CDH12: variants seen among roughly 807,000 people sequenced by gnomAD.
CDH12 encodes cadherin-12.
In CDH12, 41 loss-of-function variants were observed where a neutral mutation model predicts 74.1. That is an observed-to-expected ratio of 0.55 (90% CI 0.43 to 0.72). CDH12 has a LOEUF of 0.72. Among genes scored for constraint, CDH12 ranks in the 30% least tolerant of loss-of-function variants. CDH12 has a pLI of 0.00. For missense variants in CDH12, 945 were observed against 977.2 expected (o/e 0.97, Z 0.44); for synonymous variants, 399 against 355.0 (o/e 1.12, Z -1.39).
intron 14 of CDH12, among the ~76,000 whole-genome samples, chr5:21,754,643 G>A (rs546117661): frequency 9.9e-5 from 15 of 152,068 alleles, no homozygotes; most frequent in South Asian, 4.1e-4. Context: ...GCGTTACTCC[G>A]TGCCTTTCAT....
At chr5:22,073,117 G>A (rs1276548954) in intron 5 of CDH12, among the ~76,000 whole-genome samples, 3 of 152,084 alleles carry the variant, frequency 2.0e-5, no homozygotes, top group Non-Finnish European at 4.4e-5. Context: ...TTGTAATCTA[G>A]AGACCTTCAT....
intron 11 of CDH12, among the ~76,000 whole-genome samples, chr5:21,766,296 T>A (rs778101258): frequency 6.6e-6 from 1 of 152,034 alleles, no homozygotes; most frequent in Non-Finnish European, 1.5e-5. Context: ...TACCAATACC[T>A]ACACAGATAA....
chr5:22,493,714 C>A (rs1354368012), intron 2 of CDH12, among the ~76,000 whole-genome samples: 1 of 151,726 alleles, frequency 6.6e-6, no homozygotes, highest in Non-Finnish European at 1.5e-5. Flanking sequence ...TTATGGATAC[C>A]GTGAGATGGG....
chr5:22,219,444 T>G (rs1751935739), intron 3 of CDH12, among the ~76,000 whole-genome samples: 3 of 151,756 alleles, frequency 2.0e-5, no homozygotes, highest in African/African-American at 7.2e-5. Flanking sequence ...TTTCCTCTCA[T>G]GTCAACTTGC....
chr5:22,112,159 GA>G (rs1449590788), intron 4 of CDH12, among the ~76,000 whole-genome samples: 1 of 151,036 alleles, frequency 6.6e-6, no homozygotes, highest in Admixed American at 6.6e-5. Flanking sequence ...TTTTGTAATT[GA>G]AAAAAAACAC....
chr5:22,200,961 C>T (rs958981000), intron 4 of CDH12, among the ~76,000 whole-genome samples: 20 of 152,102 alleles, frequency 1.3e-4, no homozygotes, highest in Non-Finnish European at 2.4e-4. Context: ...GCTATGGAAA[C>T]TGATAGAAGA....
intron 10 of CDH12, among the ~76,000 whole-genome samples, chr5:21,784,301 C>G (rs558598705): frequency 9.7e-4 from 147 of 152,136 alleles, no homozygotes; most frequent in African/African-American, 3.3e-3. Context: ...CATGTGTTTT[C>G]AATCATAACA....
chr5:22,543,172 C>G (rs990714682), intron 1 of CDH12, among the ~76,000 whole-genome samples: 9 of 151,990 alleles, frequency 5.9e-5, no homozygotes, highest in Non-Finnish European at 1.2e-4. Flanking sequence ...AATGCCTACC[C>G]CATTTACAAT....
chr5:21,765,065 CA>C lies in CDH12; in HGVS notation c.1427del (p.Leu476ArgfsTer5). 1.2e-6 allele frequency: 2 copies of C among 1,606,406 alleles called. No homozygotes were observed. Among genetic ancestry groups the C allele is most frequent in the Non-Finnish European group, 1.7e-6 (2 of 1,175,258 alleles). On this transcript the variant is annotated frameshift_variant, in exon 12 of 15. Coordinates refer to ENST00000382254, the MANE Select transcript of CDH12 (RefSeq NM_004061.5). LOFTEE classifies it high-confidence loss of function. ...NPLLTSKVNI[L>X]INVLDVNEFP... is the part of the protein sequence containing the mutation. ...ATTCATTTACATCTAAGACATTAAT[CA>C]GTATATTGACTTTGCTGGTCAATAA...
intron 6 of CDH12, among the ~76,000 whole-genome samples, chr5:21,955,605 T>G (rs1172929971): frequency 6.6e-6 from 1 of 152,030 alleles, no homozygotes; most frequent in African/African-American, 2.4e-5. Flanking sequence ...CTACAAATAT[T>G]AATATTTATT....
At chr5:21,911,899 G>C (rs1561293282) in intron 6 of CDH12, among the ~76,000 whole-genome samples, 1 of 151,912 alleles carries the variant, frequency 6.6e-6, no homozygotes, top group African/African-American at 2.4e-5. Context: ...GATTGTATTA[G>C]ATTTGTTTGG....
chr5:21,773,901 TTAA>T (rs1261196920), intron 11 of CDH12, among the ~76,000 whole-genome samples: 1 of 152,208 alleles, frequency 6.6e-6, no homozygotes, highest in African/African-American at 2.4e-5. Flanking sequence ...AGCATTTAGG[TTAA>T]TGATTAGTGT....
chr5:22,102,029 G>A (rs936961635), intron 4 of CDH12, among the ~76,000 whole-genome samples: 1 of 152,138 alleles, frequency 6.6e-6, no homozygotes, highest in Non-Finnish European at 1.5e-5. Context: ...GCCATAGATT[G>A]CTGACCTCTA....
At chr5:21,817,814 A>T (rs1485612121) in intron 8 of CDH12, among the ~76,000 whole-genome samples, 1 of 91,882 alleles carries the variant, frequency 1.1e-5, no homozygotes, top group East Asian at 2.4e-4. Flanking sequence ...TTTTAATAGC[A>T]TTAAGAAAGA....
intron 1 of CDH12, among the ~76,000 whole-genome samples, chr5:22,621,250 T>A (rs1358439341): frequency 6.6e-6 from 1 of 152,148 alleles, no homozygotes; most frequent in African/African-American, 2.4e-5. Flanking sequence ...TTCTGAAAGA[T>A]CTTTCCAGCA....
intron 4 of CDH12, among the ~76,000 whole-genome samples, chr5:22,184,840 C>G (rs1487207345): frequency 3.3e-5 from 5 of 152,156 alleles, no homozygotes; most frequent in Admixed American, 3.3e-4. Flanking sequence ...TAGTATACAG[C>G]ACTAAAGTCA....
chr5:22,367,828 T>C (rs1741096973), intron 3 of CDH12, among the ~76,000 whole-genome samples: 1 of 152,198 alleles, frequency 6.6e-6, no homozygotes, highest in Non-Finnish European at 1.5e-5. Flanking sequence ...AATTTTGTCA[T>C]CTCCATCTGC....
intron 6 of CDH12, among the ~76,000 whole-genome samples, chr5:21,863,567 T>C (rs1484288816): frequency 6.6e-6 from 1 of 152,124 alleles, no homozygotes; most frequent in Non-Finnish European, 1.5e-5. Context: ...ACATAGACTT[T>C]TACACAGAAA....
intron 5 of CDH12, among the ~76,000 whole-genome samples, chr5:21,995,019 T>C (rs1396726946): frequency 2.0e-5 from 3 of 152,110 alleles, no homozygotes; most frequent in Admixed American, 2.0e-4. Context: ...ACTACCTTTA[T>C]GAGCTGTAAC....
Sources: gnomAD v4.1 joint callset for allele counts (sites outside exome capture counted in the v4.1 genomes callset) on GRCh38, gnomAD v4.1.1 for gene constraint, MANE v1.5 for transcripts, NCBI Gene and HGNC (gene_info 2026-07-23, HGNC 2026-07-21) for gene names.